Variants in IGFBP2 observed in about 807,000 individuals in gnomAD.
IGFBP2 encodes insulin-like growth factor-binding protein 2.
A neutral mutation model predicts 26.2 loss-of-function variants in IGFBP2; 12 were observed. The ratio of observed to expected loss-of-function variants is 0.46; its 90% confidence interval spans 0.29 to 0.74. The LOEUF (loss-of-function observed/expected upper bound fraction) is 0.74, where lower values mean the gene tolerates loss of function less well. Among genes scored for constraint, IGFBP2 ranks in the 30% least tolerant of loss-of-function variants. The probability of loss-of-function intolerance (pLI) is 0.09; values close to 1 mark genes in which losing one functional copy is unlikely to be tolerated. For synonymous variants in IGFBP2, 189 were observed against 200.6 expected (o/e 0.94, Z 0.49); for missense variants, 328 against 441.2 (o/e 0.74, Z 2.30).
rs183760048 is a variant in IGFBP2, at chr2:216,648,865, C to T, written c.443-11692C>T. ...CTCGTGATCCACCTGTCTTGGCCTC[C>T]CAAAGTGCTGGGATTACAGGCATGA... On this transcript the variant is annotated intron_variant, in intron 1 of 3. Transcript: ENST00000233809. Among the ~76,000 whole-genome samples the T allele has an allele frequency of 5.1e-3, 776 of 152,190 alleles. 6 individuals are homozygous for T. The highest frequency in any genetic ancestry group is 0.017 in the African/African-American group (722 of 41,506).
intron 1 of IGFBP2, among the ~76,000 whole-genome samples, chr2:216,642,744 A>T (rs549681378): frequency 6.6e-6 from 1 of 152,260 alleles, no homozygotes; most frequent in African/African-American, 2.4e-5. Context: ...TGGGGAACAG[A>T]GGTGGCCCCA....
Position 216,664,016 on chromosome 2 carries a change from C to T in IGFBP2, c.890C>T (p.Ala297Val). ...NPNTGKLIQG[A>V]PTIRGDPECH... ...AACACCGGGAAGCTGATCCAGGGAG[C>T]CCCCACCATCCGGGGGGACCCCGAG... The change falls in exon 4 of 4, where the codon GCC (alanine) becomes GTC (valine). Residue 297 changes from alanine (A) to valine (V), a missense_variant. Ala to Val is a moderately conservative substitution (Grantham distance 64). Transcript: ENST00000233809. This position sits in a 1 kb window ranked among gnomAD's most constrained non-coding sequence, Gnocchi z 4.6. 3 of 1,614,060 alleles carry T rather than the reference C, an allele frequency of 1.9e-6. No individual in the cohort carries two copies. The highest frequency in any genetic ancestry group is 2.5e-6 in the Non-Finnish European group (3 of 1,179,986).
At chr2:216,643,792 T>C (rs1273069427) in intron 1 of IGFBP2, among the ~76,000 whole-genome samples, 1 of 152,100 alleles carries the variant, frequency 6.6e-6, no homozygotes, top group East Asian at 1.9e-4. Flanking sequence ...TTGGAGGGCT[T>C]TCATGGTGGA....
chr2:216,644,733 G>A (rs1490272870), intron 1 of IGFBP2, among the ~76,000 whole-genome samples: 1 of 151,978 alleles, frequency 6.6e-6, no homozygotes, highest in East Asian at 1.9e-4. Flanking sequence ...TTTTTTGTTT[G>A]TTTTATATTC....
At chr2:216,642,474 T>G (rs1697636213) in intron 1 of IGFBP2, among the ~76,000 whole-genome samples, 1 of 150,376 alleles carries the variant, frequency 6.6e-6, no homozygotes, top group Admixed American at 6.6e-5. Context: ...GCTCGGCTAA[T>G]TTTTTGTATT....
chr2:216,661,265 G>A lies in IGFBP2; in HGVS notation c.672+479G>A. Reference sequence around the variant, plus strand: ...CTATAGGCATGCACCACCACACCTGGCCAGTTTTGTATTTTTTGGTGGAAA... The same window carrying A: ...CTATAGGCATGCACCACCACACCTGACCAGTTTTGTATTTTTTGGTGGAAA... On this transcript the variant is annotated intron_variant, in intron 2 of 3. Transcript: ENST00000233809. 2 of 254,160 alleles carry A rather than the reference G, an allele frequency of 7.9e-6. 1 individual carries two copies. The highest frequency in any genetic ancestry group is 9.9e-5 in the South Asian group (2 of 20,262). The allele number at this position is 254,160 out of a possible 1,614,324, so 15.7% of individuals were successfully genotyped here. A position where few individuals can be genotyped will look rare whatever the true frequency, so the allele number is the denominator to read the frequency against.
intron 1 of IGFBP2, among the ~76,000 whole-genome samples, chr2:216,638,731 G>A (rs1479653662): frequency 2.6e-5 from 4 of 151,154 alleles, no homozygotes; most frequent in Non-Finnish European, 5.9e-5. Flanking sequence ...ACGGAGACTC[G>A]CTCTCTTGCC....
intron 1 of IGFBP2, among the ~76,000 whole-genome samples, chr2:216,644,820 G>T (rs529784477): frequency 5.3e-5 from 8 of 152,228 alleles, no homozygotes; most frequent in South Asian, 2.1e-4. Flanking sequence ...AGAAATCAAG[G>T]CTACATTCAG....
At chr2:216,632,887 G>A (rs1697405958), upstream of IGFBP2, 1 of 152,114 alleles carries the variant, frequency 6.6e-6, no homozygotes, top group Admixed American at 6.5e-5. Flanking sequence ...GTCTAGCTTG[G>A]TCTAGACGGG....
chr2:216,635,776 G>A (rs1316938691), intron 1 of IGFBP2, among the ~76,000 whole-genome samples: 1 of 152,070 alleles, frequency 6.6e-6, no homozygotes, highest in African/African-American at 2.4e-5. Flanking sequence ...GTTGTCAGGG[G>A]AGGCCAGGGA....
At chr2:216,641,688 ATTTTTTTTTTT>A (rs71401159) in intron 1 of IGFBP2, among the ~76,000 whole-genome samples, 1 of 133,398 alleles carries the variant, frequency 7.5e-6, no homozygotes, top group African/African-American at 2.8e-5. Flanking sequence ...TCGGGCTTGC[ATTTTTTTTTTT>A]TTTTTTTTTA....
Position 216,655,653 on chromosome 2 carries a change from C to CT in IGFBP2, c.443-4901dup, listed in dbSNP as rs1239746231. Among the ~76,000 whole-genome samples the CT allele has an allele frequency of 2.0e-5, 3 of 152,162 alleles. No individual in the cohort carries two copies. In the East Asian group the frequency reaches 5.8e-4, roughly 29 times the overall value. On this transcript the variant is annotated intron_variant, in intron 1 of 3. Coordinates refer to ENST00000233809, the MANE Select transcript of IGFBP2 (RefSeq NM_000597.3). ...GTGGCTCATGCCTATAATCCCAGCA[C>CT]TTTGGGAGACCGAGGTGGGCCTCCT...
At position 216,664,218 on chromosome 2, in the gene IGFBP2, G is replaced by T; in HGVS notation, c.*114G>T. On this transcript the variant is annotated 3_prime_UTR_variant, in exon 4 of 4. Transcript: ENST00000233809. The surrounding 1 kb of genome is among the most constrained non-coding windows in gnomAD (Gnocchi z 4.6). ...GGAGGATTTTCCAGTTCTGACACAC[G>T]TATTTATATTTGGAAAGAGACCAGC... is the stretch of plus-strand genomic sequence containing the variant. 1 of 859,088 alleles carries T rather than the reference G, an allele frequency of 1.2e-6. No individual in the cohort carries two copies. 53.2% of individuals were successfully genotyped at this position (859,088 alleles called of 1,614,324 possible).
rs1270176506 is a variant in IGFBP2, at chr2:216,633,597, T to G, written c.74T>G (p.Leu25Arg). The G allele has an allele frequency of 9.9e-7, 1 of 1,011,686 alleles. No homozygotes were observed. Among genetic ancestry groups the G allele is most frequent in the Non-Finnish European group, 1.2e-6 (1 of 851,030 alleles). 62.7% of individuals were successfully genotyped at this position (1,011,686 alleles called of 1,614,324 possible). The change falls in exon 1 of 4, where the codon CTG becomes CGG. Residue 25 changes from leucine to arginine, a missense_variant. Leu to Arg is a moderately radical substitution (Grantham distance 102). Transcript: ENST00000233809. ...CTGCTGCCGCTGCTGCTGCTGCTAC[T>G]GGGCGCGAGTGGCGGCGGCGGCGGG... is the stretch of plus-strand genomic sequence containing the variant. ...PPLLPLLLLL[L>R]GASGGGGGAR...
intron 1 of IGFBP2, among the ~76,000 whole-genome samples, chr2:216,646,796 A>G (rs1697717872): frequency 6.6e-6 from 1 of 152,112 alleles, no homozygotes; most frequent in Non-Finnish European, 1.5e-5. Flanking sequence ...TGATTCAATT[A>G]CCTCCCACTG....
At chr2:216,638,568 T>C (rs919847198) in intron 1 of IGFBP2, among the ~76,000 whole-genome samples, 3 of 152,110 alleles carry the variant, frequency 2.0e-5, no homozygotes, top group Non-Finnish European at 2.9e-5. Flanking sequence ...TAGGAGCATA[T>C]CCATTCACTC....
chr2:216,657,339 A>G (rs1697938834), intron 1 of IGFBP2, among the ~76,000 whole-genome samples: 1 of 152,248 alleles, frequency 6.6e-6, no homozygotes, highest in African/African-American at 2.4e-5. Context: ...GTCAGTGTTG[A>G]GATGGAAAGT....
chr2:216,662,925 C>G (rs1407159455), intron 3 of IGFBP2: 1 of 152,154 alleles, frequency 6.6e-6, no homozygotes, highest in South Asian at 2.1e-4. Flanking sequence ...ATGATCCCCC[C>G]ACCTCGACCT....
intron 1 of IGFBP2, among the ~76,000 whole-genome samples, chr2:216,656,348 G>A (rs1167769543): frequency 6.6e-6 from 1 of 152,214 alleles, no homozygotes; most frequent in African/African-American, 2.4e-5. Context: ...GGCTGCAGAT[G>A]GAAGGGTAGC....
Sources: gnomAD v4.1 joint callset for allele counts (sites outside exome capture counted in the v4.1 genomes callset) on GRCh38, gnomAD v4.1.1 for gene constraint, Gnocchi (gnomAD v3.1) non-coding constraint, MANE v1.5 for transcripts, NCBI Gene and HGNC (gene_info 2026-07-23, HGNC 2026-07-21) for gene names.